HIF3A: variants seen among roughly 807,000 people sequenced by gnomAD.
HIF3A encodes hypoxia-inducible factor 3-alpha.
Under a neutral mutation model 67.2 loss-of-function variants are expected in HIF3A, and 41 were observed. The observed-to-expected ratio is 0.61, with a 90% CI of 0.48 to 0.79. The LOEUF (loss-of-function observed/expected upper bound fraction) is 0.79, where lower values mean the gene tolerates loss of function less well. Among genes scored for constraint, HIF3A ranks in the 30% least tolerant of loss-of-function variants. The pLI is 0.00. For synonymous variants in HIF3A, 356 were observed against 374.8 expected (o/e 0.95, Z 0.58); for missense variants, 855 against 898.0 (o/e 0.95, Z 0.61).
At chr19:46,317,281 T>C (rs1054593923) in intron 8 of HIF3A, among the ~76,000 whole-genome samples, 1 of 151,906 alleles carries the variant, frequency 6.6e-6, no homozygotes, top group African/African-American at 2.4e-5. Flanking sequence ...TCTCAAACTC[T>C]TGGGCTCAAG....
intron 2 of HIF3A, 66 bp from the exon 3 acceptor site, chr19:46,305,179 G>A (rs1192561598): frequency 6.2e-7 from 1 of 1,608,596 alleles, no homozygotes; most frequent in Admixed American, 1.7e-5. Flanking sequence ...GGCTAGCCCA[G>A]GGTCAGTCCA....
At chr19:46,318,548 C>CAA (rs908312286) in intron 8 of HIF3A, among the ~76,000 whole-genome samples, 9,814 of 53,640 alleles carry the variant, frequency 0.18, 1,001 homozygotes, top group East Asian at 0.38. Flanking sequence ...GATCCTGTCT[C>CAA]AAAAAAAAAA....
At chr19:46,307,983 CAGACAGACAGACAGACAGAT>C (rs1383116924) in intron 3 of HIF3A, among the ~76,000 whole-genome samples, 13 of 107,636 alleles carry the variant, frequency 1.2e-4, no homozygotes, top group South Asian at 6.2e-4. Context: ...GACAGACAGA[CAGACAGACAGACAGACAGAT>C]AGATAGATAG....
rs138839684 is a variant in HIF3A, at chr19:46,302,569, C to T, written c.27-1329C>T. Among the ~76,000 whole-genome samples the T allele has an allele frequency of 5.0e-3, 761 of 152,232 alleles. 7 individuals are homozygous for T. The highest frequency in any genetic ancestry group is 0.018 in the African/African-American group (733 of 41,536). The stretch of plus-strand genomic sequence containing the variant: ...CACCCTCCCAAATTATAGCCGCTTC[C>T]GGCTATAATTTTGTATGAAAGAGGC... On this transcript the variant is annotated intron_variant, in intron 1 of 14. Transcript: ENST00000377670.
At chr19:46,305,754 G>A (rs533836069) in intron 3 of HIF3A, among the ~76,000 whole-genome samples, 1 of 152,112 alleles carries the variant, frequency 6.6e-6, no homozygotes, top group South Asian at 2.1e-4. Flanking sequence ...AAGGCCAAGA[G>A]GTGAGGAAAA....
At chr19:46,331,400 C>T in intron 13 of HIF3A, 127 bp downstream of exon 13, 1 of 662,520 alleles carries the variant, frequency 1.5e-6, no homozygotes, top group Non-Finnish European at 2.7e-6. Flanking sequence ...GTCAGTGGGC[C>T]AGCTGAGACT....
chr19:46,306,704 C>G (rs1037444884), intron 3 of HIF3A: 14 of 152,182 alleles, frequency 9.2e-5, no homozygotes, highest in African/African-American at 3.1e-4. Context: ...CTCGTTACCC[C>G]ACTCCTGGTA....
At chr19:46,303,611 G>A (rs1968523676) in intron 1 of HIF3A, 1 of 1,563,492 alleles carries the variant, frequency 6.4e-7, no homozygotes, top group South Asian at 1.2e-5. Context: ...ATAAGTCAGG[G>A]AGGGGACAGA....
At chr19:46,300,365 G>A (rs1397185823) in intron 1 of HIF3A, among the ~76,000 whole-genome samples, 1 of 152,160 alleles carries the variant, frequency 6.6e-6, no homozygotes, top group Non-Finnish European at 1.5e-5. Context: ...AGGGAGAACA[G>A]TAAGTCTAAC....
At chr19:46,324,963 TAC>T (rs144306130) in intron 10 of HIF3A, among the ~76,000 whole-genome samples, 15,614 of 132,770 alleles carry the variant, frequency 0.12, 1,071 homozygotes, top group African/African-American at 0.19. Context: ...TATATACACA[TAC>T]ACACACACAC....
At chr19:46,308,830 T>A in intron 5 of HIF3A, 55 bp downstream of exon 5, 2 of 1,189,586 alleles carry the variant, frequency 1.7e-6, no homozygotes, top group Middle Eastern at 2.1e-4. Flanking sequence ...GTGTGAGCCC[T>A]GAAAGATCTT....
rs765120921 is a variant in HIF3A at position 46,329,405 on chromosome 19, C to G, written c.1639C>G (p.Pro547Ala). Residue 547 changes from proline to alanine, a missense_variant, in exon 12 of 15, where the codon CCC (proline) becomes GCC (alanine). This residue lies in a region of HIF3A where 199 missense variants were observed against 193.8 expected (regional missense o/e 1.03). Coordinates refer to ENST00000377670, the MANE Select transcript of HIF3A (RefSeq NM_152795.4). ...PSLLPRWGSD[P>A]RLSCSSPSRG... is the part of the protein sequence containing the mutation. ...CCTGCTACCCCGCTGGGGGAGTGACCCCCGGCTGAGCTGCTCCAGCCCTTC... is the reference window on the plus strand; with the variant it reads ...CCTGCTACCCCGCTGGGGGAGTGACGCCCGGCTGAGCTGCTCCAGCCCTTC... 9 of 1,605,546 alleles carry G rather than the reference C, an allele frequency of 5.6e-6. No homozygotes were observed. Among genetic ancestry groups the G allele is most frequent in the Non-Finnish European group, 7.7e-6 (9 of 1,175,176 alleles).
intron 4 of HIF3A, 25 bp downstream of exon 4, chr19:46,308,330 C>T (rs1487488725): frequency 1.4e-6 from 2 of 1,454,752 alleles, no homozygotes; most frequent in Non-Finnish European, 1.9e-6. Context: ...GGCCTCTGTC[C>T]CCACCATACA....
In HIF3A at chr19:46,309,229, C is replaced by G; in HGVS notation, c.640C>G (p.Pro214Ala). 1 of 1,613,994 alleles carries G rather than the reference C, an allele frequency of 6.2e-7. No individual in the cohort carries two copies. Among genetic ancestry groups the G allele is most frequent in the Non-Finnish European group, 8.5e-7 (1 of 1,179,908 alleles). Residue 214 changes from proline (P) to alanine (A), a missense_variant, in exon 6 of 15, where the codon CCC (proline) becomes GCC (alanine). Physicochemically the swap from Pro to Ala is conservative, Grantham distance 27 (BLOSUM62 -1). Around this residue, in one of 3 missense-constraint regions of HIF3A, gnomAD observed 638 missense variants for 660.5 expected, o/e 0.97. Coordinates refer to ENST00000377670, the MANE Select transcript of HIF3A (RefSeq NM_152795.4). Reference sequence around the variant, plus strand: ...TCCAGCTGGGAGCCCTGACTCAGAGCCCCCGCTGCAGTGCCTGGTGCTCAT... The same window carrying G: ...TCCAGCTGGGAGCCCTGACTCAGAGGCCCCGCTGCAGTGCCTGGTGCTCAT... ...TSPAGSPDSE[P>A]PLQCLVLICE... is the part of the protein sequence containing the mutation.
chr19:46,332,717 C>G (rs1971322634), intron 13 of HIF3A, among the ~76,000 whole-genome samples: 1 of 152,096 alleles, frequency 6.6e-6, no homozygotes. Flanking sequence ...GACATAATGC[C>G]TCACGCCTGT....
At chr19:46,298,297 T>C (rs1165100528) in intron 1 of HIF3A, 4 of 812,704 alleles carry the variant, frequency 4.9e-6, no homozygotes, top group Non-Finnish European at 7.0e-6. Context: ...TTGGGCCAGC[T>C]GTCGTTCCGC....
At position 46,308,726 on chromosome 19, in the gene HIF3A, C is replaced by T. The variant is rs143277530; in HGVS notation, c.512C>T (p.Thr171Ile). 9.1e-5 allele frequency: 147 copies of T among 1,611,090 alleles called. 1 individual carries two copies. The highest frequency in any genetic ancestry group is 6.7e-4 in the African/African-American group (50 of 75,014). Residue 171 changes from threonine to isoleucine, a missense_variant, in exon 5 of 15, where the codon ACA (threonine) becomes ATA (isoleucine). Thr to Ile is a moderately conservative substitution (Grantham distance 89). Around this residue, in one of 3 missense-constraint regions of HIF3A, gnomAD observed 638 missense variants for 660.5 expected, o/e 0.97. Coordinates refer to ENST00000377670, the MANE Select transcript of HIF3A (RefSeq NM_152795.4). Reference sequence around the variant, plus strand: ...TGCTTCTCCTTGCGCATGAAGAGTACACTCACCAGCCGCGGGCGCACCCTC... The same window carrying T: ...TGCTTCTCCTTGCGCATGAAGAGTATACTCACCAGCCGCGGGCGCACCCTC... ...ERCFSLRMKS[T>I]LTSRGRTLNL...
rs751117051 is a variant in HIF3A at position 46,329,496 on chromosome 19, G to T, written c.1712+18G>T. 3 of 1,493,866 alleles carry T rather than the reference G, an allele frequency of 2.0e-6. No homozygotes were observed. The East Asian group carries it at 7.2e-5, about 36-fold the overall frequency. 92.5% of individuals were successfully genotyped at this position (1,493,866 alleles called of 1,614,324 possible). A position where few individuals can be genotyped will look rare whatever the true frequency, so the allele number is the denominator to read the frequency against. On this transcript the variant is annotated intron_variant, in intron 12 of 14. Coordinates refer to ENST00000377670, the MANE Select transcript of HIF3A (RefSeq NM_152795.4). ...CGGAAGAGGTGAGCCACAGTAAAGGGGGGACATCAAGGCAGCATCCCCTCA... is the reference window on the plus strand; with the variant it reads ...CGGAAGAGGTGAGCCACAGTAAAGGTGGGACATCAAGGCAGCATCCCCTCA...
intron 14 of HIF3A, chr19:46,338,583 T>A: frequency 9.4e-7 from 1 of 1,068,858 alleles, no homozygotes; most frequent in Non-Finnish European, 1.2e-6. Flanking sequence ...AACAGCTGAC[T>A]TAACTGCTTT....
Sources: gnomAD v4.1 joint callset for allele counts (sites outside exome capture counted in the v4.1 genomes callset) on GRCh38, gnomAD v4.1.1 for gene constraint, gnomAD v4.1.1 regional missense constraint, MANE v1.5 for transcripts, NCBI Gene and HGNC (gene_info 2026-07-23, HGNC 2026-07-21) for gene names.